Variants in IMMP2L observed in about 807,000 individuals in gnomAD.
IMMP2L encodes inner mitochondrial membrane peptidase subunit 2.
IMMP2L carries 18 observed loss-of-function variants against 19.3 expected under a neutral mutation model. The ratio of observed to expected loss-of-function variants is 0.93; its 90% confidence interval spans 0.64 to 1.38. IMMP2L has a LOEUF of 1.38. Among genes scored for constraint, IMMP2L ranks in the 40% most tolerant of loss-of-function variants. The pLI is 0.00. For missense variants in IMMP2L, 233 were observed against 218.2 expected, an observed-to-expected ratio of 1.07 and a Z score of -0.43; for synonymous variants, 76 against 73.0, an observed-to-expected ratio of 1.04 and a Z score of -0.21.
At chr7:111,311,631 T>G (rs1823528995) in intron 3 of IMMP2L, among the ~76,000 whole-genome samples, 1 of 152,170 alleles carries the variant, frequency 6.6e-6, no homozygotes, top group African/African-American at 2.4e-5. Context: ...ATTTAAGGGC[T>G]GTGGCTCTGT....
chr7:111,124,410 A>G, intron 3 of IMMP2L: 1 of 1,613,802 alleles, frequency 6.2e-7, no homozygotes, highest in Non-Finnish European at 8.5e-7. Context: ...CAAGTTCTAA[A>G]ATTCTCAAAT....
intron 3 of IMMP2L, among the ~76,000 whole-genome samples, chr7:110,965,041 G>T (rs2396300): frequency 0.49 from 74,413 of 151,792 alleles, 19,180 homozygotes; most frequent in Non-Finnish European, 0.58. Context: ...CAGAAAATAT[G>T]TGAGATAATA....
chr7:111,016,823 T>G (rs13238531), intron 3 of IMMP2L, among the ~76,000 whole-genome samples: 20 of 56,534 alleles, frequency 3.5e-4, no homozygotes, highest in Non-Finnish European at 6.1e-4. Flanking sequence ...ATATTATATA[T>G]AATATATAGT....
At chr7:110,726,806 A>T (rs1371266752) in intron 5 of IMMP2L, among the ~76,000 whole-genome samples, 1 of 152,180 alleles carries the variant, frequency 6.6e-6, no homozygotes, top group African/African-American at 2.4e-5. Context: ...GCTGGAGCAA[A>T]GAGAAATTTG....
chr7:111,039,439 A>T lies in IMMP2L; in HGVS notation c.240-75874T>A, dbSNP rs538307888. On this transcript the variant is annotated intron_variant, in intron 3 of 5. Transcript: ENST00000405709. ...AACTAACATAAATATTACACTTATG[A>T]CACTTTAAGGAAGATATGCTCAGAT... Among the ~76,000 whole-genome samples, 3 of 152,358 alleles carry T rather than the reference A, an allele frequency of 2.0e-5. No homozygotes were observed. The East Asian group carries it at 5.8e-4, about 29-fold the overall frequency.
At chr7:110,742,065 C>G (rs571459946) in intron 5 of IMMP2L, among the ~76,000 whole-genome samples, 1 of 152,110 alleles carries the variant, frequency 6.6e-6, no homozygotes, top group Non-Finnish European at 1.5e-5. Flanking sequence ...CAAGGCTAGA[C>G]GCTTAACGTA....
intron 3 of IMMP2L, among the ~76,000 whole-genome samples, chr7:111,023,092 G>A (rs748188047): frequency 1.2e-4 from 19 of 152,122 alleles, no homozygotes; most frequent in South Asian, 2.1e-4. Flanking sequence ...AAGACCCCGC[G>A]AATTTGCTGC....
At chr7:110,706,572 A>G (rs182485202) in intron 5 of IMMP2L, among the ~76,000 whole-genome samples, 153 of 152,242 alleles carry the variant, frequency 1.0e-3, no homozygotes, top group African/African-American at 3.6e-3. Context: ...ATGATATCTC[A>G]CTGTGGTTTT....
intron 5 of IMMP2L, among the ~76,000 whole-genome samples, chr7:110,884,347 C>T (rs574070813): frequency 6.6e-6 from 1 of 152,010 alleles, no homozygotes; most frequent in East Asian, 1.9e-4. Context: ...AACTATAAAG[C>T]AACACATTAG....
chr7:110,829,778 A>T (rs1803801834), intron 5 of IMMP2L, among the ~76,000 whole-genome samples: 1 of 152,164 alleles, frequency 6.6e-6, no homozygotes, highest in Non-Finnish European at 1.5e-5. Context: ...TCTTTTTAAA[A>T]TATGTATAAT....
chr7:110,862,959 A>G (rs533501139), intron 5 of IMMP2L, among the ~76,000 whole-genome samples: 1 of 152,160 alleles, frequency 6.6e-6, no homozygotes, highest in African/African-American at 2.4e-5. Context: ...CCCACCTCCT[A>G]TAACGCCTGG....
At chr7:110,671,741 GT>G (rs1375499399) in intron 5 of IMMP2L, among the ~76,000 whole-genome samples, 1 of 121,620 alleles carries the variant, frequency 8.2e-6, no homozygotes, top group Non-Finnish European at 1.9e-5. Flanking sequence ...GCTTCAGGTA[GT>G]TTCACCCTCT....
intron 3 of IMMP2L, among the ~76,000 whole-genome samples, chr7:111,071,891 T>C (rs1238328992): frequency 3.3e-5 from 5 of 152,214 alleles, no homozygotes; most frequent in Admixed American, 2.0e-4. Flanking sequence ...TTATGTTATG[T>C]GAATTTCACT....
intron 5 of IMMP2L, among the ~76,000 whole-genome samples, chr7:110,726,567 T>C (rs1376613050): frequency 6.6e-6 from 1 of 152,172 alleles, no homozygotes; most frequent in African/African-American, 2.4e-5. Context: ...TCCTAGTATC[T>C]GAAATTAAAA....
chr7:111,193,539 T>C (rs1327418689), intron 3 of IMMP2L, among the ~76,000 whole-genome samples: 8 of 152,126 alleles, frequency 5.3e-5, no homozygotes, highest in African/African-American at 1.9e-4. Flanking sequence ...ATAGTTCTTA[T>C]TTTCACTCAG....
chr7:111,534,425 C>G (rs182850640), intron 1 of IMMP2L, among the ~76,000 whole-genome samples: 215 of 152,146 alleles, frequency 1.4e-3, no homozygotes, highest in Non-Finnish European at 2.3e-3. Flanking sequence ...TTTATACACA[C>G]ACAGCATCAT....
chr7:111,513,110 C>G (rs1304133563), intron 2 of IMMP2L, among the ~76,000 whole-genome samples: 1 of 152,056 alleles, frequency 6.6e-6, no homozygotes, highest in Admixed American at 6.6e-5. Flanking sequence ...CAAAAATAGA[C>G]AGCTGAGCTC....
At chr7:111,526,249 A>T (rs1213649283) in intron 1 of IMMP2L, among the ~76,000 whole-genome samples, 1 of 152,176 alleles carries the variant, frequency 6.6e-6, no homozygotes, top group African/African-American at 2.4e-5. Flanking sequence ...CTCTCACTAA[A>T]CAATACCTTA....
chr7:111,145,182 G>A lies in IMMP2L; in HGVS notation c.240-181617C>T, dbSNP rs944537809. Among the ~76,000 whole-genome samples, 19 of 152,088 alleles carry A rather than the reference G, an allele frequency of 1.2e-4. No individual in the cohort carries two copies. The East Asian group carries it at 3.5e-3, about 28-fold the overall frequency. On this transcript the variant is annotated intron_variant, in intron 3 of 5. Coordinates refer to ENST00000405709, the MANE Select transcript of IMMP2L (RefSeq NM_032549.4). ...AATACAACTGAAGACATATACTCAT[G>A]CAAGTATATGAAATATACTAAGGAT...
Sources: gnomAD v4.1 joint callset for allele counts (sites outside exome capture counted in the v4.1 genomes callset) on GRCh38, gnomAD v4.1.1 for gene constraint, MANE v1.5 for transcripts, NCBI Gene and HGNC (gene_info 2026-07-23, HGNC 2026-07-21) for gene names.